FSTL4: variants seen among roughly 807,000 people sequenced by gnomAD.
FSTL4 encodes the protein follistatin-related protein 4.
A neutral mutation model predicts 78.2 loss-of-function variants in FSTL4; 28 were observed. The ratio of observed to expected loss-of-function variants is 0.36; its 90% CI spans 0.27 to 0.49. The LOEUF (loss-of-function observed/expected upper bound fraction) is 0.49. Among genes scored for constraint, FSTL4 ranks in the 20% least tolerant of loss-of-function variants. FSTL4 has a pLI of 0.98. For missense variants in FSTL4, 922 were observed against 1,084.9 expected (o/e 0.85, Z 2.11); for synonymous variants, 422 against 440.5 (o/e 0.96, Z 0.53).
At chr5:133,451,289 G>A (rs932238140) in intron 3 of FSTL4, among the ~76,000 whole-genome samples, 4 of 152,120 alleles carry the variant, frequency 2.6e-5, no homozygotes, top group African/African-American at 4.8e-5. Flanking sequence ...GGCCAGGCAC[G>A]GTGGCTCATG....
chr5:133,280,312 G>A (rs554502277), intron 6 of FSTL4, among the ~76,000 whole-genome samples: 1 of 152,168 alleles, frequency 6.6e-6, no homozygotes, highest in African/African-American at 2.4e-5. Context: ...TATGGGGAGG[G>A]GGTGAGGGGA....
At chr5:133,549,385 T>G (rs1759648111) in intron 3 of FSTL4, among the ~76,000 whole-genome samples, 1 of 152,162 alleles carries the variant, frequency 6.6e-6, no homozygotes, top group African/African-American at 2.4e-5. Flanking sequence ...TCAATTACCT[T>G]TTTTAATTTC....
the FSTL4 span, among the ~76,000 whole-genome samples, chr5:133,640,846 A>G: frequency 6.6e-6 from 1 of 152,242 alleles, no homozygotes; most frequent in African/African-American, 2.4e-5. Context: ...TGCATTTCTT[A>G]TGTACTTAGG....
At chr5:133,624,011 T>C in the FSTL4 span, among the ~76,000 whole-genome samples, 3 of 151,980 alleles carry the variant, frequency 2.0e-5, no homozygotes, top group East Asian at 5.8e-4. Context: ...CTGATGGAAA[T>C]GTAAAATTGT....
At chr5:133,388,503 T>G (rs550431926) in intron 4 of FSTL4, 1 of 152,096 alleles carries the variant, frequency 6.6e-6, no homozygotes, top group South Asian at 2.1e-4. Context: ...TTGACACAAA[T>G]GTAACTGAAG....
chr5:133,358,949 C>T (rs1179432815), intron 4 of FSTL4, among the ~76,000 whole-genome samples: 1 of 152,182 alleles, frequency 6.6e-6, no homozygotes, highest in African/African-American at 2.4e-5. Flanking sequence ...GGAAATAAGT[C>T]TCCGATGATC....
the FSTL4 span, among the ~76,000 whole-genome samples, chr5:133,720,323 C>T: frequency 1.3e-5 from 2 of 152,120 alleles, no homozygotes; most frequent in Admixed American, 6.5e-5. Flanking sequence ...ATGTAAATAA[C>T]TAAATTAGTT....
chr5:133,294,017 G>A (rs1753329253), intron 6 of FSTL4, among the ~76,000 whole-genome samples: 1 of 152,188 alleles, frequency 6.6e-6, no homozygotes, highest in Admixed American at 6.5e-5. Context: ...CGCTTAGGCT[G>A]TTGCCTCTGA....
the FSTL4 span, among the ~76,000 whole-genome samples, chr5:133,833,469 ACATCTCCTACATCTATTTAG>A: frequency 1.3e-5 from 2 of 152,346 alleles, no homozygotes; most frequent in East Asian, 3.8e-4. Flanking sequence ...AAACTTGACA[ACATCTCCTACATCTATTTAG>A]AATCACGGGG....
the FSTL4 span, among the ~76,000 whole-genome samples, chr5:133,766,381 A>G: frequency 6.6e-6 from 1 of 152,226 alleles, no homozygotes; most frequent in African/African-American, 2.4e-5. Flanking sequence ...TTACTATCTG[A>G]CCGTTTACAG....
chr5:133,695,251 C>T, the FSTL4 span, among the ~76,000 whole-genome samples: 104 of 152,258 alleles, frequency 6.8e-4, no homozygotes, highest in Non-Finnish European at 1.4e-3. Context: ...AGCACATTCT[C>T]AACTTTCCCT....
At chr5:133,323,424 T>G (rs1281254587) in intron 4 of FSTL4, among the ~76,000 whole-genome samples, 2 of 152,236 alleles carry the variant, frequency 1.3e-5, no homozygotes, top group Non-Finnish European at 2.9e-5. Flanking sequence ...CTCATTTGTC[T>G]TTGTCCCCTT....
At chr5:133,278,715 C>T (rs1752944263) in intron 6 of FSTL4, among the ~76,000 whole-genome samples, 3 of 152,204 alleles carry the variant, frequency 2.0e-5, no homozygotes, top group South Asian at 4.1e-4. Flanking sequence ...ACATGTTCCT[C>T]CCTAGAGAGG....
At chr5:133,363,473 G>A (rs1038435666) in intron 4 of FSTL4, among the ~76,000 whole-genome samples, 31 of 152,062 alleles carry the variant, frequency 2.0e-4, no homozygotes, top group African/African-American at 7.5e-4. Flanking sequence ...CCCAAGCTTG[G>A]TCACTAACAG....
intron 3 of FSTL4, among the ~76,000 whole-genome samples, chr5:133,511,953 T>C (rs2112888481): frequency 6.6e-6 from 1 of 152,068 alleles, no homozygotes; most frequent in Admixed American, 6.5e-5. Context: ...GGGAGCCAAA[T>C]GCTTTGGACC....
intron 7 of FSTL4, among the ~76,000 whole-genome samples, chr5:133,235,555 C>G (rs372952525): frequency 9.3e-5 from 14 of 150,924 alleles, no homozygotes; most frequent in Admixed American, 9.2e-4. Context: ...GAAGGGGTGC[C>G]GGCCCAGAGT....
chr5:133,459,181 C>A (rs995309431), intron 3 of FSTL4, among the ~76,000 whole-genome samples: 2 of 152,180 alleles, frequency 1.3e-5, no homozygotes, highest in Non-Finnish European at 2.9e-5. Context: ...TTTCCTTGGG[C>A]CTGAGAGGCT....
intron 4 of FSTL4, among the ~76,000 whole-genome samples, chr5:133,374,396 G>A (rs1346944377): frequency 6.6e-6 from 1 of 152,160 alleles, no homozygotes; most frequent in East Asian, 1.9e-4. Context: ...ACAAGCCTGA[G>A]TTCACCATCT....
intron 2 of FSTL4, among the ~76,000 whole-genome samples, chr5:133,578,159 G>A (rs1760325960): frequency 6.6e-6 from 1 of 152,176 alleles, no homozygotes; most frequent in Non-Finnish European, 1.5e-5. Flanking sequence ...CCAAGGAAAT[G>A]TCTTTACTAT....
Sources: gnomAD v4.1 joint callset for allele counts (sites outside exome capture counted in the v4.1 genomes callset) on GRCh38, gnomAD v4.1.1 for gene constraint, MANE v1.5 for transcripts, NCBI Gene and HGNC (gene_info 2026-07-23, HGNC 2026-07-21) for gene names.